ATF6: variants seen among roughly 807,000 people sequenced by gnomAD.
ATF6 encodes the protein activating transcription factor 6.
A neutral mutation model predicts 83.6 loss-of-function variants in ATF6; 53 were observed. The ratio of observed to expected loss-of-function variants is 0.63; its 90% confidence interval spans 0.51 to 0.80. ATF6 has a LOEUF of 0.80. ATF6 is among the 30% of genes least tolerant of loss of function. The probability of loss-of-function intolerance (pLI) is 0.00; values close to 1 mark genes in which losing one functional copy is unlikely to be tolerated. For missense variants in ATF6, 744 were observed against 797.9 expected (o/e 0.93, Z 0.81); for synonymous variants, 288 against 285.8 (o/e 1.01, Z -0.08).
intron 15 of ATF6, among the ~76,000 whole-genome samples, chr1:161,941,199 T>C (rs547879300): frequency 6.6e-6 from 1 of 152,344 alleles, no homozygotes; most frequent in South Asian, 2.1e-4. Context: ...CTGGGCTATA[T>C]ATTAAAGTGG....
At chr1:161,805,219 GTCTTTA>G (rs1685250272) in intron 7 of ATF6, among the ~76,000 whole-genome samples, 1 of 151,610 alleles carries the variant, frequency 6.6e-6, no homozygotes, top group East Asian at 1.9e-4. Context: ...GTTCTAATTA[GTCTTTA>G]TCTTTTTTCA....
chr1:161,852,601 A>ATTTTG (rs1309940406), intron 11 of ATF6, among the ~76,000 whole-genome samples: 4 of 151,942 alleles, frequency 2.6e-5, no homozygotes, highest in African/African-American at 9.7e-5. Context: ...AATACTTTTT[A>ATTTTG]TTTTGTTTTG....
chr1:161,864,361 G>A (rs1412931428), intron 14 of ATF6, among the ~76,000 whole-genome samples: 1 of 152,132 alleles, frequency 6.6e-6, no homozygotes, highest in Non-Finnish European at 1.5e-5. Context: ...TGTGGGACTT[G>A]AGTATGTACA....
chr1:161,887,375 C>A (rs745663051), intron 14 of ATF6, among the ~76,000 whole-genome samples: 5 of 152,084 alleles, frequency 3.3e-5, no homozygotes, highest in Admixed American at 6.6e-5. Context: ...CCACTGCACT[C>A]GGCCTGAAGC....
chr1:161,804,735 C>A (rs1378874651), intron 7 of ATF6, among the ~76,000 whole-genome samples: 1 of 150,582 alleles, frequency 6.6e-6, no homozygotes, highest in African/African-American at 2.4e-5. Flanking sequence ...TTAATGTTGA[C>A]AATCATCACT....
At chr1:161,937,315 G>T (rs897602336) in intron 15 of ATF6, among the ~76,000 whole-genome samples, 1 of 136,298 alleles carries the variant, frequency 7.3e-6, no homozygotes, top group Non-Finnish European at 1.5e-5. Flanking sequence ...CTGCACTCCA[G>T]CCTGGGCGAC....
rs763830035 is a variant in ATF6, at chr1:161,958,572, A to C, written c.1931A>C (p.Gln644Pro). The C allele has an allele frequency of 3.1e-6, 5 of 1,614,116 alleles. No homozygotes were observed. The highest frequency in any genetic ancestry group is 4.2e-6 in the Non-Finnish European group (5 of 1,179,992). ...TACCTCCGAGATCAGCAGAGGAATC[A>C]AACCAACACCTTCTTTGGCTCCCCT... ...PPYLRDQQRNQTNTFFGSPPA... is the reference protein window; with the variant it reads ...PPYLRDQQRNPTNTFFGSPPA... The change falls in exon 16 of 16, where the codon CAA (glutamine) becomes CCA (proline). Residue 644 changes from glutamine (Q) to proline (P), a missense_variant. Gln to Pro is a moderately conservative substitution (Grantham distance 76). Coordinates refer to ENST00000367942, the MANE Select transcript of ATF6 (RefSeq NM_007348.4).
At chr1:161,817,863 C>T (rs957249638) in intron 7 of ATF6, among the ~76,000 whole-genome samples, 11 of 151,942 alleles carry the variant, frequency 7.2e-5, no homozygotes, top group African/African-American at 1.2e-4. Context: ...TTTGGGAGGC[C>T]GAGGCGGGCG....
At chr1:161,867,940 C>G (rs952232910) in intron 14 of ATF6, among the ~76,000 whole-genome samples, 1 of 152,164 alleles carries the variant, frequency 6.6e-6, no homozygotes, top group African/African-American at 2.4e-5. Flanking sequence ...ATTATTAACA[C>G]TGTCATATAT....
intron 9 of ATF6, among the ~76,000 whole-genome samples, chr1:161,834,487 A>T (rs915145832): frequency 9.9e-5 from 15 of 152,232 alleles, no homozygotes; most frequent in Admixed American, 7.8e-4. Context: ...GACATGGATG[A>T]AACTGGAAAC....
At chr1:161,855,714 A>G (rs548605348) in intron 12 of ATF6, among the ~76,000 whole-genome samples, 3 of 152,346 alleles carry the variant, frequency 2.0e-5, no homozygotes, top group South Asian at 2.1e-4. Flanking sequence ...TTGTAGGGAT[A>G]GTGGTGTCCC....
chr1:161,912,155 GTTAA>G (rs1417540451), intron 14 of ATF6, 137 bp from the exon 15 acceptor site: 4 of 534,190 alleles, frequency 7.5e-6, no homozygotes, highest in East Asian at 3.2e-5. Context: ...CTGGTTTGTA[GTTAA>G]TTAAGCCAAC....
intron 14 of ATF6, among the ~76,000 whole-genome samples, chr1:161,904,679 T>G (rs972633778): frequency 2.6e-5 from 4 of 152,018 alleles, no homozygotes; most frequent in Non-Finnish European, 5.9e-5. Flanking sequence ...AACTTACTGT[T>G]CTATTTATGA....
chr1:161,817,567 G>A (rs528840501), intron 7 of ATF6, among the ~76,000 whole-genome samples: 1 of 152,212 alleles, frequency 6.6e-6, no homozygotes, highest in African/African-American at 2.4e-5. Context: ...TTACTTAAGA[G>A]TGAGATAGTT....
chr1:161,794,760 C>G (rs1266510408), intron 6 of ATF6, among the ~76,000 whole-genome samples: 1 of 152,176 alleles, frequency 6.6e-6, no homozygotes, highest in African/African-American at 2.4e-5. Flanking sequence ...ACAACTTATG[C>G]CTACTTCTAC....
At chr1:161,939,040 T>C (rs1334082035) in intron 15 of ATF6, among the ~76,000 whole-genome samples, 1 of 152,178 alleles carries the variant, frequency 6.6e-6, no homozygotes, top group African/African-American at 2.4e-5. Flanking sequence ...CAAATAGGCT[T>C]TCATCTCGTC....
chr1:161,823,643 T>G (rs1270011477), intron 9 of ATF6, among the ~76,000 whole-genome samples: 1 of 152,220 alleles, frequency 6.6e-6, no homozygotes, highest in Non-Finnish European at 1.5e-5. Context: ...ATCAATAGTT[T>G]CATAAAAATC....
At chr1:161,823,886 A>G (rs1302768547) in intron 9 of ATF6, among the ~76,000 whole-genome samples, 1 of 152,206 alleles carries the variant, frequency 6.6e-6, no homozygotes, top group Non-Finnish European at 1.5e-5. Context: ...TTATTTAACC[A>G]TCTTTTGATA....
intron 15 of ATF6, 39 bp downstream of exon 15, chr1:161,912,419 C>G: frequency 1.4e-6 from 2 of 1,411,198 alleles, no homozygotes; most frequent in South Asian, 2.5e-5. Flanking sequence ...TATGAGATTT[C>G]TTTGTTTAAC....
Sources: allele counts gnomAD v4.1 joint callset (sites outside exome capture counted in the v4.1 genomes callset), GRCh38; gene constraint gnomAD v4.1.1; transcripts MANE v1.5; gene names NCBI Gene and HGNC (gene_info 2026-07-23, HGNC 2026-07-21).